EHBP1: variants seen among roughly 807,000 people sequenced by gnomAD.
The protein encoded by EHBP1 is EH domain binding protein 1.
In EHBP1, 55 loss-of-function variants were observed where a neutral mutation model predicts 144.0. That is an observed-to-expected ratio of 0.38 (90% CI 0.31 to 0.48). The LOEUF (loss-of-function observed/expected upper bound fraction) is 0.48, where lower values mean the gene tolerates loss of function less well. EHBP1 is among the 20% of genes least tolerant of loss of function. The pLI is 0.98. For synonymous variants in EHBP1, 469 were observed against 472.7 expected, an observed-to-expected ratio of 0.99 and a Z score of 0.10; for missense variants, 1,200 against 1,364.2, an observed-to-expected ratio of 0.88 and a Z score of 1.90.
chr2:62,862,908 C>T (rs1026112858), intron 8 of EHBP1, among the ~76,000 whole-genome samples: 2 of 151,482 alleles, frequency 1.3e-5, no homozygotes, highest in Non-Finnish European at 2.9e-5. Context: ...AAAATACTAA[C>T]AAACATAAAA....
intron 5 of EHBP1, among the ~76,000 whole-genome samples, chr2:62,773,233 T>G (rs1325176041): frequency 6.7e-6 from 1 of 149,924 alleles, no homozygotes; most frequent in Non-Finnish European, 1.5e-5. Context: ...CCTCTTCAGT[T>G]TTCAGGAGGA....
At chr2:62,851,879 A>G (rs2048714675) in intron 7 of EHBP1, among the ~76,000 whole-genome samples, 3 of 152,174 alleles carry the variant, frequency 2.0e-5, no homozygotes, top group Non-Finnish European at 4.4e-5. Context: ...AAGAGAATGT[A>G]AAGAAGAAAT....
At position 62,948,659 on chromosome 2, in the gene EHBP1, G is replaced by A. The variant is rs2057206376; in HGVS notation, c.1813G>A (p.Ala605Thr). The stretch of plus-strand genomic sequence containing the variant: ...TGATGATCACCTTAGTCCAAGCACA[G>A]CCTCCCCTTACTGTCGCAGGACTAA... ...TPDDHLSPST[A>T]SPYCRRTKSD... Residue 605 changes from alanine (A) to threonine (T), a missense_variant, in exon 13 of 23, where the codon GCC (alanine) becomes ACC (threonine). Around this residue, in one of 6 missense-constraint regions of EHBP1, gnomAD observed 543 missense variants for 513.1 expected, o/e 1.06. Coordinates refer to ENST00000431489, the MANE Select transcript of EHBP1 (RefSeq NM_001142616.3). The A allele has an allele frequency of 6.2e-7, 1 of 1,613,892 alleles. No homozygotes were observed. The highest frequency in any genetic ancestry group is 1.3e-5 in the African/African-American group (1 of 74,916).
At position 63,038,003 on chromosome 2, in the gene EHBP1, G is replaced by C. The variant is rs2061513444; in HGVS notation, c.3203+369G>C. On this transcript the variant is annotated intron_variant, in intron 20 of 22. Transcript: ENST00000431489. ...AGTTAAATAAAATAACTCTTAATAAGGACAAAAGTACATTTATAGTCTCAG... is the reference window on the plus strand; with the variant it reads ...AGTTAAATAAAATAACTCTTAATAACGACAAAAGTACATTTATAGTCTCAG... Among the ~76,000 whole-genome samples, 2 of 151,972 alleles carry C rather than the reference G, an allele frequency of 1.3e-5. 1 individual carries two copies. The highest frequency in any genetic ancestry group is 1.3e-4 in the Admixed American group (2 of 15,244).
At chr2:62,874,598 T>G in intron 10 of EHBP1, 66 bp downstream of exon 10, 1 of 1,381,576 alleles carries the variant, frequency 7.2e-7, no homozygotes, top group East Asian at 2.3e-5. Flanking sequence ...CCATTTAATT[T>G]AAATTAAGAA....
chr2:62,723,067 A>G (rs953142766), intron 2 of EHBP1, among the ~76,000 whole-genome samples: 6 of 152,104 alleles, frequency 3.9e-5, no homozygotes, highest in South Asian at 2.1e-4. Flanking sequence ...TCTTTGTTCA[A>G]AGTTTCTGCC....
intron 7 of EHBP1, among the ~76,000 whole-genome samples, chr2:62,858,919 A>G (rs780715951): frequency 2.0e-5 from 3 of 152,208 alleles, no homozygotes; most frequent in Non-Finnish European, 4.4e-5. Context: ...TTAAATTGAC[A>G]TGGAAGTTTC....
intron 5 of EHBP1, among the ~76,000 whole-genome samples, chr2:62,802,235 T>G (rs1307722661): frequency 6.6e-6 from 1 of 152,232 alleles, no homozygotes; most frequent in African/African-American, 2.4e-5. Flanking sequence ...TGGAACATTT[T>G]TTTCCCCGGG....
chr2:62,968,803 G>T (rs891131860), intron 14 of EHBP1, among the ~76,000 whole-genome samples: 1 of 152,148 alleles, frequency 6.6e-6, no homozygotes, highest in Non-Finnish European at 1.5e-5. Context: ...ATCTCCTTCT[G>T]CATGAGTAGG....
chr2:62,822,648 A>C (rs1249497117), intron 5 of EHBP1, among the ~76,000 whole-genome samples: 3 of 152,180 alleles, frequency 2.0e-5, no homozygotes, highest in Non-Finnish European at 4.4e-5. Context: ...TTGTTTTTCA[A>C]AGTGGCTGTA....
intron 10 of EHBP1, among the ~76,000 whole-genome samples, chr2:62,911,612 T>G (rs1411339194): frequency 6.6e-6 from 1 of 151,988 alleles, no homozygotes; most frequent in Non-Finnish European, 1.5e-5. Context: ...CAGGCGCCCA[T>G]CACCACGGCC....
chr2:62,831,098 G>T lies in EHBP1; in HGVS notation c.574G>T (p.Asp192Tyr), dbSNP rs756722928. ...TGGCAATTTAGATGACTTCGAAGAA[G>T]ATAATGAAGATGATGATGAGAACAG... ...DIGNLDDFEEDNEDDDENRVN... is the reference protein window; with the variant it reads ...DIGNLDDFEEYNEDDDENRVN... The change falls in exon 7 of 23, where the codon GAT (aspartate) becomes TAT (tyrosine). Residue 192 changes from aspartate (D) to tyrosine (Y), a missense_variant. Around this residue, in one of 6 missense-constraint regions of EHBP1, gnomAD observed 266 missense variants for 262.4 expected, o/e 1.01. Transcript: ENST00000431489. 7.5e-6 allele frequency: 12 copies of T among 1,609,510 alleles called. No homozygotes were observed. In the South Asian group the frequency reaches 1.2e-4, roughly 16 times the overall value.
intron 9 of EHBP1, among the ~76,000 whole-genome samples, chr2:62,866,771 G>A (rs2050077683): frequency 1.3e-5 from 2 of 152,220 alleles, no homozygotes; most frequent in South Asian, 2.1e-4. Flanking sequence ...GTAAAGAAGT[G>A]AAGAGAAGGT....
intron 7 of EHBP1, among the ~76,000 whole-genome samples, chr2:62,841,666 A>G (rs552982743): frequency 7.9e-5 from 12 of 152,168 alleles, no homozygotes; most frequent in African/African-American, 2.6e-4. Flanking sequence ...TTTGCATTTT[A>G]TTTTATAATG....
intron 15 of EHBP1, among the ~76,000 whole-genome samples, chr2:62,980,556 A>G (rs919443886): frequency 6.6e-6 from 1 of 152,156 alleles, no homozygotes; most frequent in Non-Finnish European, 1.5e-5. Flanking sequence ...GTTTCCTTAT[A>G]TTAAAAGCTT....
chr2:63,023,916 C>G (rs543011233), intron 19 of EHBP1, among the ~76,000 whole-genome samples: 1 of 152,192 alleles, frequency 6.6e-6, no homozygotes, highest in Non-Finnish European at 1.5e-5. Flanking sequence ...TTTTATATTT[C>G]AGGTATAAAA....
intron 10 of EHBP1, among the ~76,000 whole-genome samples, chr2:62,901,920 G>C (rs1360697584): frequency 6.6e-6 from 1 of 151,456 alleles, no homozygotes; most frequent in African/African-American, 2.4e-5. Context: ...AGCCGTGACT[G>C]TGCCACTGCA....
chr2:62,816,915 G>A (rs995509970), intron 5 of EHBP1, among the ~76,000 whole-genome samples: 1 of 151,988 alleles, frequency 6.6e-6, no homozygotes, highest in African/African-American at 2.4e-5. Context: ...GTTTATCCCC[G>A]TTCTGGCTTG....
intron 14 of EHBP1, among the ~76,000 whole-genome samples, chr2:62,973,073 G>T (rs2058566022): frequency 6.6e-6 from 1 of 152,134 alleles, no homozygotes; most frequent in Non-Finnish European, 1.5e-5. Flanking sequence ...ATTAAGGATT[G>T]ACTACTTTAA....
Sources: allele counts gnomAD v4.1 joint callset (sites outside exome capture counted in the v4.1 genomes callset), GRCh38; gene constraint gnomAD v4.1.1; regional missense constraint gnomAD v4.1.1; transcripts MANE v1.5; gene names NCBI Gene and HGNC (gene_info 2026-07-23, HGNC 2026-07-21).